GSK3B: variants seen among roughly 807,000 people sequenced by gnomAD.
GSK3B encodes glycogen synthase kinase 3 beta.
In GSK3B, 15 loss-of-function variants were observed where a neutral mutation model predicts 56.4. The ratio of observed to expected loss-of-function variants is 0.27; its 90% CI spans 0.18 to 0.41. GSK3B has a LOEUF of 0.41. Among genes scored for constraint, GSK3B ranks in the 10% least tolerant of loss-of-function variants. GSK3B has a pLI of 1.00. For synonymous variants in GSK3B, 181 were observed against 188.9 expected (o/e 0.96, Z 0.34); for missense variants, 300 against 513.4 (o/e 0.58, Z 4.02).
chr3:119,845,863 C>T (rs2055848463), intron 9 of GSK3B, among the ~76,000 whole-genome samples: 2 of 152,120 alleles, frequency 1.3e-5, no homozygotes, highest in South Asian at 4.1e-4. Flanking sequence ...CAAGACAATC[C>T]TAAGCAAAAA....
intron 6 of GSK3B, among the ~76,000 whole-genome samples, chr3:119,911,764 T>C (rs1281224997): frequency 6.6e-6 from 1 of 152,192 alleles, no homozygotes; most frequent in Non-Finnish European, 1.5e-5. Context: ...TTAATCCTCA[T>C]GAAATAACCT....
chr3:119,860,911 G>A (rs952983923), intron 9 of GSK3B, among the ~76,000 whole-genome samples: 1 of 152,156 alleles, frequency 6.6e-6, no homozygotes, highest in African/African-American at 2.4e-5. Flanking sequence ...TGAGGATGGA[G>A]GAGGGCTTTA....
At chr3:120,091,773 A>G (rs903681875) in intron 1 of GSK3B, among the ~76,000 whole-genome samples, 1 of 152,074 alleles carries the variant, frequency 6.6e-6, no homozygotes, top group Non-Finnish European at 1.5e-5. Flanking sequence ...AAAGATGCAT[A>G]ATCAGCTTTC....
chr3:119,934,387 A>G (rs2056974629), intron 3 of GSK3B, among the ~76,000 whole-genome samples: 1 of 152,220 alleles, frequency 6.6e-6, no homozygotes, highest in Non-Finnish European at 1.5e-5. Context: ...AAAAAAGCAG[A>G]CAAACTCCAA....
At chr3:119,897,891 C>T (rs13319151) in intron 7 of GSK3B, among the ~76,000 whole-genome samples, 2,798 of 150,904 alleles carry the variant, frequency 0.019, 92 homozygotes, top group African/African-American at 0.065. Context: ...GGGCACTGAA[C>T]AAACTATAGG....
At chr3:119,906,331 G>A (rs2056682183) in intron 6 of GSK3B, among the ~76,000 whole-genome samples, 1 of 151,952 alleles carries the variant, frequency 6.6e-6, no homozygotes, top group Non-Finnish European at 1.5e-5. Context: ...TGATTTTTAT[G>A]TTCTACGATG....
At chr3:119,997,217 A>C (rs1267341408) in intron 2 of GSK3B, among the ~76,000 whole-genome samples, 1 of 152,228 alleles carries the variant, frequency 6.6e-6, no homozygotes, top group Non-Finnish European at 1.5e-5. Flanking sequence ...CAGCACATTA[A>C]ATGCATCTAG....
intron 1 of GSK3B, among the ~76,000 whole-genome samples, chr3:120,023,350 C>A (rs2057895739): frequency 6.6e-6 from 1 of 150,818 alleles, no homozygotes; most frequent in Non-Finnish European, 1.5e-5. Context: ...ATTCCATGTA[C>A]TTTCATGCAT....
At chr3:119,845,292 A>G (rs977002044) in intron 9 of GSK3B, among the ~76,000 whole-genome samples, 36 of 152,244 alleles carry the variant, frequency 2.4e-4, no homozygotes, top group African/African-American at 8.7e-4. Context: ...CTCCTATTCA[A>G]CATAGTATTG....
intron 9 of GSK3B, among the ~76,000 whole-genome samples, chr3:119,850,233 G>A (rs1456975072): frequency 6.6e-6 from 1 of 151,940 alleles, no homozygotes; most frequent in Non-Finnish European, 1.5e-5. Context: ...GTGAGGGTGG[G>A]GTCCAAGATG....
chr3:119,941,171 A>C (rs948812210), intron 3 of GSK3B, among the ~76,000 whole-genome samples: 1 of 151,864 alleles, frequency 6.6e-6, no homozygotes, highest in Non-Finnish European at 1.5e-5. Context: ...ACTTGCCATC[A>C]CACCTGGCTA....
At chr3:119,965,077 A>C (rs1306921321) in intron 2 of GSK3B, among the ~76,000 whole-genome samples, 1 of 147,590 alleles carries the variant, frequency 6.8e-6, no homozygotes, top group Non-Finnish European at 1.5e-5. Flanking sequence ...TTGAGACAGA[A>C]AGTCTTGCTC....
chr3:119,842,533 C>T (rs1577309034), intron 10 of GSK3B, among the ~76,000 whole-genome samples: 1 of 152,068 alleles, frequency 6.6e-6, no homozygotes, highest in African/African-American at 2.4e-5. Context: ...TTTTCAGTAA[C>T]AACATATTTA....
chr3:120,037,188 C>A (rs1576288092), intron 1 of GSK3B, among the ~76,000 whole-genome samples: 1 of 152,176 alleles, frequency 6.6e-6, no homozygotes, highest in East Asian at 1.9e-4. Flanking sequence ...AGGTATTGCC[C>A]TAAAGGACCC....
At chr3:119,941,669 T>G (rs1186834563) in intron 3 of GSK3B, among the ~76,000 whole-genome samples, 1 of 152,246 alleles carries the variant, frequency 6.6e-6, no homozygotes, top group Non-Finnish European at 1.5e-5. Context: ...TATTTGCTAT[T>G]AATAAACACA....
chr3:119,980,819 C>T (rs2057453727), intron 2 of GSK3B, among the ~76,000 whole-genome samples: 1 of 152,070 alleles, frequency 6.6e-6, no homozygotes. Context: ...TCATCTGTGA[C>T]ATTAAAGAAA....
At chr3:119,887,062 G>A (rs1189664930) in intron 7 of GSK3B, among the ~76,000 whole-genome samples, 1 of 152,052 alleles carries the variant, frequency 6.6e-6, no homozygotes, top group Non-Finnish European at 1.5e-5. Context: ...AGCAACAGAA[G>A]AATACTATGA....
chr3:119,886,368 TAATTA>T (rs2056435733), intron 7 of GSK3B, among the ~76,000 whole-genome samples: 2 of 152,004 alleles, frequency 1.3e-5, no homozygotes, highest in African/African-American at 4.8e-5. Flanking sequence ...TCACAATGGC[TAATTA>T]AAAAGTAAAA....
chr3:119,947,309 T>C lies in GSK3B; in HGVS notation c.325A>G (p.Ile109Val), dbSNP rs2057110272. Residue 109 changes from isoleucine to valine, a missense_variant, in exon 3 of 11, where the codon ATA (isoleucine) becomes GTA (valine). By Grantham distance (29) the Ile-to-Val change is conservative. Coordinates refer to ENST00000264235, the MANE Select transcript of GSK3B (RefSeq NM_001146156.2). ...TAGAAGAAATAACGCAATCGGACTA[T>C]GTTACAGTGATCTAGCTTTCTCATG... Reference protein sequence around the residue: ...QIMRKLDHCNIVRLRYFFYSS... With the variant: ...QIMRKLDHCNVVRLRYFFYSS... 2 of 1,606,614 alleles carry C rather than the reference T, an allele frequency of 1.2e-6. No homozygotes were observed. The highest frequency in any genetic ancestry group is 1.7e-4 in the Middle Eastern group (1 of 6,052).
Sources: allele counts gnomAD v4.1 joint callset (sites outside exome capture counted in the v4.1 genomes callset), GRCh38; gene constraint gnomAD v4.1.1; transcripts MANE v1.5; gene names NCBI Gene and HGNC (gene_info 2026-07-23, HGNC 2026-07-21).